The following B9D1 variants were observed in gnomAD, a reference collection of about 807,000 sequenced individuals.
B9D1 encodes B9 domain-containing protein 1.
A neutral mutation model predicts 26.1 loss-of-function variants in B9D1; 20 were observed. The observed-to-expected ratio is 0.77, with a 90% CI of 0.54 to 1.12. B9D1 has a LOEUF of 1.12. B9D1 is among the 50% of genes most tolerant of loss of function. The probability of loss-of-function intolerance (pLI) is 0.00; values close to 1 mark genes in which losing one functional copy is unlikely to be tolerated. For synonymous variants in B9D1, 105 were observed against 103.1 expected, an observed-to-expected ratio of 1.02 and a Z score of -0.11; for missense variants, 260 against 273.7, an observed-to-expected ratio of 0.95 and a Z score of 0.35.
downstream of B9D1, among the ~76,000 whole-genome samples, chr17:19,339,618 A>G (rs1250689406): frequency 6.6e-6 from 1 of 152,252 alleles, no homozygotes; most frequent in East Asian, 1.9e-4. Flanking sequence ...TTGGCTGAGC[A>G]CAGTATCTTA....
chr17:19,347,204 G>A lies in B9D1; in HGVS notation c.404+65C>T. 1.2e-6 allele frequency: 2 copies of A among 1,614,184 alleles called. No individual in the cohort carries two copies. Among genetic ancestry groups the A allele is most frequent in the Non-Finnish European group, 8.5e-7 (1 of 1,180,012 alleles). On this transcript the variant is annotated intron_variant, in intron 5 of 6. Coordinates refer to ENST00000261499, the MANE Select transcript of B9D1 (RefSeq NM_015681.6). The surrounding 1 kb of genome is among the most constrained non-coding windows in gnomAD (Gnocchi z 4.3). ...GAGGCGACCAGGCACAAACTGAGGGGTAGAATGGGACATCCATTCATCCAG... is the reference window on the plus strand; with the variant it reads ...GAGGCGACCAGGCACAAACTGAGGGATAGAATGGGACATCCATTCATCCAG...
chr17:19,353,859 GA>G (rs1385589320), intron 3 of B9D1, among the ~76,000 whole-genome samples: 5 of 151,976 alleles, frequency 3.3e-5, no homozygotes. Flanking sequence ...AGAATCGGTT[GA>G]ACTCAGGAGC....
downstream of B9D1, among the ~76,000 whole-genome samples, chr17:19,340,127 G>A (rs896288591): frequency 2.6e-5 from 4 of 151,510 alleles, no homozygotes; most frequent in Non-Finnish European, 4.4e-5. Context: ...GGGATGCAAG[G>A]AGCTTTGTGA....
downstream of B9D1, chr17:19,337,608 G>A: frequency 4.9e-6 from 5 of 1,024,190 alleles, no homozygotes; most frequent in South Asian, 5.7e-5. Context: ...TGTGTGGGAT[G>A]CTCTTGGTTA....
chr17:19,341,969 C>T (rs983920111), downstream of B9D1, among the ~76,000 whole-genome samples: 3 of 151,920 alleles, frequency 2.0e-5, no homozygotes, highest in African/African-American at 4.8e-5. Context: ...GAGGGCCTGG[C>T]CTGAGGGAGG....
chr17:19,370,164 G>A lies in B9D1; in HGVS notation c.-298+7695C>T, dbSNP rs1911821034. ...ATTCTTCATGGGCAGGGCCTTGCAA[G>A]CCTTGGTGATGGATTTTATTCCATG... On this transcript the variant is annotated intron_variant, in intron 1 of 5. Coordinates refer to the B9D1 transcript ENST00000477478. This position sits in a 1 kb window ranked among gnomAD's most constrained non-coding sequence, Gnocchi z 5.1. Among the ~76,000 whole-genome samples, 1 of 152,212 alleles carries A rather than the reference G, an allele frequency of 6.6e-6. No homozygotes were observed. Among genetic ancestry groups the A allele is most frequent in the African/African-American group, 2.4e-5 (1 of 41,444 alleles).
intron 3 of B9D1, among the ~76,000 whole-genome samples, chr17:19,352,476 T>G (rs7503537): frequency 0.97 from 144,653 of 149,520 alleles, 70,236 homozygotes; most frequent in African/African-American, 0.99. Flanking sequence ...AGCCTCCCCA[T>G]TAGCTGGGAT....
intron 3 of B9D1, among the ~76,000 whole-genome samples, chr17:19,348,726 T>C (rs1330741729): frequency 2.0e-5 from 3 of 152,242 alleles, no homozygotes; most frequent in Non-Finnish European, 4.4e-5. Context: ...AACCTGGTAC[T>C]TTACCTTTAC....
upstream of B9D1, chr17:19,363,836 T>A (rs1454417503): frequency 6.6e-6 from 1 of 152,090 alleles, no homozygotes; most frequent in Non-Finnish European, 1.5e-5. Context: ...ACCCCCTGCC[T>A]AGTGAGCAAA....
At chr17:19,369,333 C>T (rs1911763013) in intron 1 of B9D1, among the ~76,000 whole-genome samples, 1 of 152,296 alleles carries the variant, frequency 6.6e-6, no homozygotes, top group Admixed American at 6.5e-5. Flanking sequence ...GACAACTGTG[C>T]ACCTCTTCCC....
At chr17:19,335,444 T>C, downstream of B9D1, 6 of 1,550,086 alleles carry the variant, frequency 3.9e-6, no homozygotes, top group Non-Finnish European at 5.2e-6. Context: ...ACAATGGAAA[T>C]CTGAAATGGA....
At chr17:19,361,465 C>G (rs1258500020) in intron 1 of B9D1, among the ~76,000 whole-genome samples, 1 of 151,978 alleles carries the variant, frequency 6.6e-6, no homozygotes, top group African/African-American at 2.4e-5. Flanking sequence ...GAGAGCAGAG[C>G]AGGGAGGAAC....
rs1201862957 is a variant in B9D1, at chr17:19,370,196, G to A, written c.-298+7663C>T. 6.6e-6 allele frequency among the ~76,000 whole-genome samples: 1 copy of A among 152,246 alleles called. No homozygotes were observed. The highest frequency in any genetic ancestry group is 1.5e-5 in the Non-Finnish European group (1 of 68,044). On this transcript the variant is annotated intron_variant, in intron 1 of 5. Transcript: ENST00000477478. The surrounding 1 kb of genome is among the most constrained non-coding windows in gnomAD (Gnocchi z 5.1). Reference sequence around the variant, plus strand: ...TGATGGATTTTATTCCATGAGATGGGGCAGCTGTTGCAGGAACACGATTTG... The same window carrying A: ...TGATGGATTTTATTCCATGAGATGGAGCAGCTGTTGCAGGAACACGATTTG...
rs774952078 is a variant in B9D1 at position 19,347,242 on chromosome 17, G to C, written c.404+27C>G. ...TCCATTCATCCAGTAGATCAGGAGG[G>C]GCTGGGGTTATGGGTACAAAACTCA... On this transcript the variant is annotated intron_variant, in intron 5 of 6. Coordinates refer to ENST00000261499, the MANE Select transcript of B9D1 (RefSeq NM_015681.6). This position sits in a 1 kb window ranked among gnomAD's most constrained non-coding sequence, Gnocchi z 4.3. 6.2e-7 allele frequency: 1 copy of C among 1,614,210 alleles called. No individual in the cohort carries two copies. Among genetic ancestry groups the C allele is most frequent in the Admixed American group, 1.7e-5 (1 of 60,030 alleles).
chr17:19,338,605 C>CATA, downstream of B9D1, among the ~76,000 whole-genome samples: 1 of 152,326 alleles, frequency 6.6e-6, no homozygotes, highest in Middle Eastern at 3.4e-3. Flanking sequence ...GGGCCAGTGC[C>CATA]ATGATGGCAG....
At chr17:19,371,924 T>C (rs560316081) in intron 1 of B9D1, among the ~76,000 whole-genome samples, 1 of 152,288 alleles carries the variant, frequency 6.6e-6, no homozygotes, top group Admixed American at 6.5e-5. Flanking sequence ...ACTGGGTGAC[T>C]GAACCGGATT....
At position 19,362,668 on chromosome 17, in the gene B9D1, A is replaced by T. The variant is rs1321691657; in HGVS notation, c.-99T>A. 2 of 1,544,902 alleles carry T rather than the reference A, an allele frequency of 1.3e-6. No homozygotes were observed. Among genetic ancestry groups the T allele is most frequent in the East Asian group, 4.9e-5 (2 of 41,080 alleles). The stretch of plus-strand genomic sequence containing the variant: ...AAACAGACGGCGTAGCGCGCAGGAC[A>T]CGTTTCTTGGCAGCGACACCTTCGC... On this transcript the variant is annotated 5_prime_UTR_variant, in exon 1 of 7. Coordinates refer to ENST00000261499, the MANE Select transcript of B9D1 (RefSeq NM_015681.6).
intron 5 of B9D1, chr17:19,346,857 C>T: frequency 7.5e-7 from 1 of 1,334,202 alleles, no homozygotes; most frequent in Non-Finnish European, 9.8e-7. Flanking sequence ...CACACTAAGC[C>T]TCTGCGCAAA....
Position 19,343,246 on chromosome 17 carries a change from C to T in B9D1, c.*73G>A, listed in dbSNP as rs1001445188. The T allele has an allele frequency of 6.2e-7, 1 of 1,609,262 alleles. No homozygotes were observed. Among genetic ancestry groups the T allele is most frequent in the Admixed American group, 1.7e-5 (1 of 59,932 alleles). ...CAGCTCTGGCCACCAGGCTGCCCCT[C>T]AGGCCGATGGGCAGCGGCTGACTTC... On this transcript the variant is annotated 3_prime_UTR_variant, in exon 7 of 7. Coordinates refer to ENST00000261499, the MANE Select transcript of B9D1 (RefSeq NM_015681.6).
Sources: gnomAD v4.1 joint callset for allele counts (sites outside exome capture counted in the v4.1 genomes callset) on GRCh38, gnomAD v4.1.1 for gene constraint, Gnocchi (gnomAD v3.1) non-coding constraint, MANE v1.5 for transcripts, NCBI Gene and HGNC (gene_info 2026-07-23, HGNC 2026-07-21) for gene names.